Variants in SYNPR observed in about 807,000 individuals in gnomAD.
SYNPR encodes synaptoporin.
In SYNPR, 23 loss-of-function variants were observed where a neutral mutation model predicts 32.9. The observed-to-expected ratio is 0.70, with a 90% CI of 0.50 to 0.99. The LOEUF is 0.99. SYNPR is among the 50% of genes least tolerant of loss of function. The probability of loss-of-function intolerance (pLI) is 0.00; values close to 1 mark genes in which losing one functional copy is unlikely to be tolerated. For missense variants in SYNPR, 318 were observed against 349.3 expected, an observed-to-expected ratio of 0.91 and a Z score of 0.71; for synonymous variants, 146 against 135.9, an observed-to-expected ratio of 1.07 and a Z score of -0.52.
chr3:63,435,729 C>T (rs1413292395), intron 2 of SYNPR, among the ~76,000 whole-genome samples: 3 of 152,140 alleles, frequency 2.0e-5, no homozygotes, highest in African/African-American at 7.2e-5. Context: ...TTTGAATGTA[C>T]CATCTATATT....
intron 1 of SYNPR, among the ~76,000 whole-genome samples, chr3:63,249,329 A>G (rs1451035067): frequency 6.6e-6 from 1 of 152,142 alleles, no homozygotes; most frequent in African/African-American, 2.4e-5. Context: ...ACTTCTATAC[A>G]AGATTGCGAT....
At chr3:63,446,009 A>G (rs1700271102) in intron 2 of SYNPR, among the ~76,000 whole-genome samples, 1 of 152,222 alleles carries the variant, frequency 6.6e-6, no homozygotes, top group Non-Finnish European at 1.5e-5. Flanking sequence ...CAAAGATATG[A>G]GTGTGACTAA....
chr3:63,459,750 A>C (rs1464185102), intron 2 of SYNPR, among the ~76,000 whole-genome samples: 1 of 152,066 alleles, frequency 6.6e-6, no homozygotes, highest in Non-Finnish European at 1.5e-5. Flanking sequence ...CCCGGAAAGG[A>C]ATATGGGTCC....
chr3:63,497,585 A>G (rs1701397030), intron 3 of SYNPR, among the ~76,000 whole-genome samples: 1 of 150,718 alleles, frequency 6.6e-6, no homozygotes, highest in Admixed American at 6.6e-5. Flanking sequence ...GTGAACCACC[A>G]TCTTTGACAC....
intron 2 of SYNPR, among the ~76,000 whole-genome samples, chr3:63,311,246 A>G (rs765199526): frequency 1.3e-5 from 2 of 152,064 alleles, no homozygotes; most frequent in Non-Finnish European, 1.5e-5. Context: ...GGGAAATTTT[A>G]TCTGTTCCCC....
Position 63,615,321 on chromosome 3 carries a change from A to T in SYNPR, c.698A>T (p.Asp233Val), listed in dbSNP as rs1184886409. Residue 233 changes from aspartate (D) to valine (V), a missense_variant, in exon 6 of 6, where the codon GAT (aspartate) becomes GTT (valine). Physicochemically the swap from Asp to Val is radical, Grantham distance 152. Transcript: ENST00000478300. ...TCTTCGGGACAGAGATATCTTTCAG[A>T]TCCAATGGAGAAGCACTCCAGCAGC... Reference protein sequence around the residue: ...WHSSGQRYLSDPMEKHSSSYN... With the variant: ...WHSSGQRYLSVPMEKHSSSYN... 4.3e-6 allele frequency: 7 copies of T among 1,613,886 alleles called. No individual in the cohort carries two copies. The highest frequency in any genetic ancestry group is 5.9e-6 in the Non-Finnish European group (7 of 1,179,862).
chr3:63,605,751 T>C (rs1014765404), intron 4 of SYNPR, among the ~76,000 whole-genome samples: 2 of 152,126 alleles, frequency 1.3e-5, no homozygotes, highest in African/African-American at 4.8e-5. Flanking sequence ...GAGCATTGAT[T>C]TGAAGAAAGA....
intron 2 of SYNPR, chr3:63,444,421 A>G (rs1227441246): frequency 6.6e-6 from 1 of 152,172 alleles, no homozygotes; most frequent in Non-Finnish European, 1.5e-5. Flanking sequence ...AAACAAACTG[A>G]TGCTTTAATC....
intron 2 of SYNPR, among the ~76,000 whole-genome samples, chr3:63,386,261 C>T (rs2088043568): frequency 6.6e-6 from 1 of 152,194 alleles, no homozygotes; most frequent in African/African-American, 2.4e-5. Flanking sequence ...GTTTTGAACC[C>T]TGCTTCAATT....
chr3:63,209,332 A>AG, the SYNPR span, among the ~76,000 whole-genome samples: 1 of 151,840 alleles, frequency 6.6e-6, no homozygotes, highest in Non-Finnish European at 1.5e-5. Context: ...AAAAAAAAAA[A>AG]AGGTTGGGAA....
intron 2 of SYNPR, among the ~76,000 whole-genome samples, chr3:63,296,870 T>A (rs1464942723): frequency 6.6e-6 from 1 of 152,176 alleles, no homozygotes; most frequent in African/African-American, 2.4e-5. Context: ...AATAGAACAT[T>A]GTGCAATCAT....
At chr3:63,232,192 CTTTTTTTTTTTTTT>C (rs57078088) in intron 1 of SYNPR, among the ~76,000 whole-genome samples, 1 of 59,536 alleles carries the variant, frequency 1.7e-5, no homozygotes, top group South Asian at 1.1e-3. Flanking sequence ...CAGATTCTGA[CTTTTTTTTTTTTTT>C]TTTTTTTTTT....
At chr3:63,347,645 C>T (rs1285849745) in intron 2 of SYNPR, among the ~76,000 whole-genome samples, 1 of 152,108 alleles carries the variant, frequency 6.6e-6, no homozygotes, top group Non-Finnish European at 1.5e-5. Context: ...TTCCAGCCTT[C>T]CAAGTCTCCA....
At chr3:63,429,676 G>A (rs1358214417) in intron 2 of SYNPR, among the ~76,000 whole-genome samples, 1 of 152,212 alleles carries the variant, frequency 6.6e-6, no homozygotes, top group Non-Finnish European at 1.5e-5. Context: ...CATTTTAACA[G>A]TTTTTTGACA....
intron 2 of SYNPR, among the ~76,000 whole-genome samples, chr3:63,309,858 G>C (rs1045599571): frequency 6.6e-5 from 10 of 151,854 alleles, no homozygotes; most frequent in African/African-American, 2.4e-4. Context: ...AAACTACAGG[G>C]GTTCTAGTTT....
chr3:63,304,074 C>T (rs1205051193), intron 2 of SYNPR, among the ~76,000 whole-genome samples: 2 of 151,972 alleles, frequency 1.3e-5, no homozygotes, highest in Non-Finnish European at 2.9e-5. Flanking sequence ...TGCTCCTTTT[C>T]TTATTCTAGG....
chr3:63,488,183 T>C (rs1248760891), intron 3 of SYNPR, among the ~76,000 whole-genome samples: 4 of 152,216 alleles, frequency 2.6e-5, no homozygotes, highest in Admixed American at 2.6e-4. Flanking sequence ...AATAAAAGTG[T>C]GAAGGGCTGC....
At chr3:63,604,259 C>G (rs111674955) in intron 4 of SYNPR, among the ~76,000 whole-genome samples, 1 of 152,078 alleles carries the variant, frequency 6.6e-6, no homozygotes, top group African/African-American at 2.4e-5. Context: ...GTCTAGCTAC[C>G]AGTCTATCTG....
intron 4 of SYNPR, among the ~76,000 whole-genome samples, chr3:63,607,254 A>G (rs888207698): frequency 2.6e-5 from 4 of 152,218 alleles, no homozygotes; most frequent in Non-Finnish European, 5.9e-5. Flanking sequence ...ACCTTCCTCA[A>G]TACTCAGCAC....
Sources: gnomAD v4.1 joint callset for allele counts (sites outside exome capture counted in the v4.1 genomes callset) on GRCh38, gnomAD v4.1.1 for gene constraint, MANE v1.5 for transcripts, NCBI Gene and HGNC (gene_info 2026-07-23, HGNC 2026-07-21) for gene names.